The following MYL4 variants were observed in gnomAD, a reference collection of about 807,000 sequenced individuals.
MYL4 encodes the protein atrial myosin light chain 1.
MYL4 carries 16 observed loss-of-function variants against 21.6 expected under a neutral mutation model. The observed-to-expected ratio is 0.74, with a 90% CI of 0.50 to 1.12. MYL4 has a LOEUF of 1.12. Ranked by LOEUF, MYL4 falls within the 50% of genes most tolerant of loss-of-function variation. The probability of loss-of-function intolerance (pLI) is 0.00; values close to 1 mark genes in which losing one functional copy is unlikely to be tolerated. For missense variants in MYL4, 249 were observed against 252.9 expected, an observed-to-expected ratio of 0.98 and a Z score of 0.11; for synonymous variants, 82 against 95.7, an observed-to-expected ratio of 0.86 and a Z score of 0.83.
intron 4 of MYL4, 137 bp downstream of exon 4, chr17:47,221,992 C>T: frequency 2.0e-6 from 2 of 997,242 alleles, no homozygotes; most frequent in South Asian, 1.7e-5. Flanking sequence ...TGATCCAGGC[C>T]CTGTCTCCCT....
chr17:47,191,428 A>G, the MYL4 span, among the ~76,000 whole-genome samples: 1 of 152,294 alleles, frequency 6.6e-6, no homozygotes, highest in East Asian at 1.9e-4. Flanking sequence ...CAGTTGGACT[A>G]TTATTATCTG....
intron 2 of MYL4, among the ~76,000 whole-genome samples, chr17:47,219,511 AT>A (rs1019304179): frequency 1.3e-5 from 2 of 149,846 alleles, no homozygotes; most frequent in Admixed American, 6.7e-5. Context: ...AGACATCTGA[AT>A]TTTTTTTTTG....
Position 47,209,447 on chromosome 17 carries a change from A to G in MYL4, c.25A>G (p.Lys9Glu), listed in dbSNP as rs866398815. The G allele has an allele frequency of 1.9e-6, 3 of 1,614,160 alleles. No individual in the cohort carries two copies. In the African/African-American group the frequency reaches 4.0e-5, roughly 22 times the overall value. ...CATGGCTCCCAAGAAGCCTGAGCCTAAGAAGGAGGCAGCCAAGCCAGCTCC... is the reference window on the plus strand; with the variant it reads ...CATGGCTCCCAAGAAGCCTGAGCCTGAGAAGGAGGCAGCCAAGCCAGCTCC... Reference protein sequence around the residue: MAPKKPEPKKEAAKPAPAP... With the variant: MAPKKPEPEKEAAKPAPAP... Residue 9 changes from lysine (K) to glutamate (E), a missense_variant, in exon 1 of 7, where the codon AAG (lysine) becomes GAG (glutamate). Transcript: ENST00000393450.
chr17:47,214,155 A>G (rs905144756), intron 2 of MYL4, among the ~76,000 whole-genome samples: 2 of 152,204 alleles, frequency 1.3e-5, no homozygotes, highest in African/African-American at 4.8e-5. Context: ...AAACTCAGGC[A>G]ATCTGATTCC....
chr17:47,203,110 C>A (rs564544139), intron 1 of MYL4, among the ~76,000 whole-genome samples: 1 of 152,196 alleles, frequency 6.6e-6, no homozygotes, highest in South Asian at 2.1e-4. Context: ...ACTGCCATGC[C>A]CAGCTGATTT....
chr17:47,197,538 A>G (rs1315798508), upstream of MYL4, among the ~76,000 whole-genome samples: 1 of 152,178 alleles, frequency 6.6e-6, no homozygotes, highest in Non-Finnish European at 1.5e-5. Context: ...AAGCACAGGG[A>G]AATAAACTAC....
chr17:47,201,379 C>T (rs1262538644), intron 1 of MYL4, among the ~76,000 whole-genome samples: 1 of 151,922 alleles, frequency 6.6e-6, no homozygotes, highest in Non-Finnish European at 1.5e-5. Flanking sequence ...TTGGGTTAAT[C>T]ATTCTCCTGA....
chr17:47,217,706 C>T (rs1412027355), intron 2 of MYL4, among the ~76,000 whole-genome samples: 1 of 152,114 alleles, frequency 6.6e-6, no homozygotes, highest in Non-Finnish European at 1.5e-5. Context: ...AGTATATTTA[C>T]ATACATTATT....
At chr17:47,192,432 A>T in the MYL4 span, among the ~76,000 whole-genome samples, 1 of 151,606 alleles carries the variant, frequency 6.6e-6, no homozygotes, top group Non-Finnish European at 1.5e-5. Context: ...GGCAGATCAC[A>T]AGGTCAGGAG....
At chr17:47,211,447 T>C (rs1284819552) in intron 1 of MYL4, among the ~76,000 whole-genome samples, 1 of 152,100 alleles carries the variant, frequency 6.6e-6, no homozygotes, top group Non-Finnish European at 1.5e-5. Context: ...TTAAGCCCAG[T>C]GTGTGTAGTT....
rs2064753767 is a variant in MYL4, at chr17:47,209,361, G to T, written c.-62G>T. The T allele has an allele frequency of 2.5e-6, 4 of 1,610,946 alleles. No individual in the cohort carries two copies. The African/African-American group carries it at 5.3e-5, about 21-fold the overall frequency. ...GCCCAGGCTCCTATCTCATCTCCCA[G>T]ACGCCACGTCTCTCGGTTTCTTCTT... On this transcript the variant is annotated 5_prime_UTR_variant, in exon 1 of 7. Transcript: ENST00000393450.
At chr17:47,211,219 A>G (rs962070350) in intron 1 of MYL4, among the ~76,000 whole-genome samples, 13 of 152,256 alleles carry the variant, frequency 8.5e-5, no homozygotes, top group Non-Finnish European at 1.3e-4. Flanking sequence ...TGTTATACTT[A>G]CCCAGTTCCT....
chr17:47,223,069 C>T lies in MYL4; in HGVS notation c.*15+12C>T, dbSNP rs547088730. 1.1e-4 allele frequency: 179 copies of T among 1,614,022 alleles called. No individual in the cohort carries two copies. In the South Asian group the frequency reaches 1.8e-3, roughly 17 times the overall value. The stretch of plus-strand genomic sequence containing the variant: ...GCAGAGTCTTCCAGGTGAGTGCAGC[C>T]TCTCCCTCCTGGTCCCTTCCGGGGT... On this transcript the variant is annotated intron_variant, in intron 6 of 6. Transcript: ENST00000393450.
At chr17:47,213,926 G>T in intron 2 of MYL4, 100 bp downstream of exon 2, 3 of 1,341,338 alleles carry the variant, frequency 2.2e-6, no homozygotes, top group Non-Finnish European at 3.2e-6. Flanking sequence ...CATGGTAATA[G>T]TAATCACTGT....
upstream of MYL4, among the ~76,000 whole-genome samples, chr17:47,197,723 T>C (rs765408202): frequency 2.0e-5 from 3 of 152,218 alleles, no homozygotes; most frequent in Non-Finnish European, 2.9e-5. Flanking sequence ...TTAGATAGCT[T>C]TGCCCAACTG....
chr17:47,209,848 CA>C (rs1225299825), intron 1 of MYL4: 3 of 540,866 alleles, frequency 5.5e-6, no homozygotes, highest in Non-Finnish European at 1.0e-5. Flanking sequence ...ACCAACCATC[CA>C]TCCACCCTTT....
chr17:47,210,910 G>C (rs2064769651), intron 1 of MYL4, among the ~76,000 whole-genome samples: 1 of 152,104 alleles, frequency 6.6e-6, no homozygotes, highest in Admixed American at 6.5e-5. Flanking sequence ...CACCCTTCAG[G>C]ATCCCTCCTC....
chr17:47,191,438 G>A, the MYL4 span, among the ~76,000 whole-genome samples: 1 of 152,108 alleles, frequency 6.6e-6, no homozygotes, highest in Non-Finnish European at 1.5e-5. Flanking sequence ...ATTATTATCT[G>A]GACACGTCTA....
the MYL4 span, among the ~76,000 whole-genome samples, chr17:47,191,405 A>G: frequency 1.3e-5 from 2 of 152,226 alleles, no homozygotes; most frequent in Admixed American, 1.3e-4. Flanking sequence ...TTTATTCTGA[A>G]TAATTCAGAA....
Sources: gnomAD v4.1 joint callset for allele counts (sites outside exome capture counted in the v4.1 genomes callset) on GRCh38, gnomAD v4.1.1 for gene constraint, MANE v1.5 for transcripts, NCBI Gene and HGNC (gene_info 2026-07-23, HGNC 2026-07-21) for gene names.